The following SGCZ variants were observed in gnomAD, a reference collection of about 807,000 sequenced individuals.
SGCZ encodes the protein zeta-sarcoglycan.
Under a neutral mutation model 41.3 loss-of-function variants are expected in SGCZ, and 40 were observed. That is an observed-to-expected ratio of 0.97 (90% CI 0.75 to 1.26). The LOEUF (loss-of-function observed/expected upper bound fraction) is 1.26. Among genes scored for constraint, SGCZ ranks in the 50% most tolerant of loss-of-function variants. The probability of loss-of-function intolerance (pLI) is 0.00; values close to 1 mark genes in which losing one functional copy is unlikely to be tolerated. For synonymous variants in SGCZ, 206 were observed against 137.5 expected, an observed-to-expected ratio of 1.50 and a Z score of -3.49; for missense variants, 552 against 369.8, an observed-to-expected ratio of 1.49 and a Z score of -4.04.
intron 1 of SGCZ, among the ~76,000 whole-genome samples, chr8:15,036,612 A>C (rs1803885699): frequency 6.6e-6 from 1 of 152,204 alleles, no homozygotes; most frequent in Non-Finnish European, 1.5e-5. Context: ...CTCATCAAAG[A>C]AAAGTAGAGG....
intron 1 of SGCZ, among the ~76,000 whole-genome samples, chr8:14,859,017 T>A (rs1049095311): frequency 6.6e-6 from 1 of 152,272 alleles, no homozygotes; most frequent in Non-Finnish European, 1.5e-5. Flanking sequence ...CATATCTGAA[T>A]AACTTTTCTG....
intron 3 of SGCZ, among the ~76,000 whole-genome samples, chr8:14,275,136 C>A (rs1292918547): frequency 1.3e-5 from 2 of 152,110 alleles, no homozygotes; most frequent in Non-Finnish European, 2.9e-5. Flanking sequence ...CTGGTCAGAG[C>A]CGAAAGCCAG....
chr8:14,921,331 C>G (rs1235956861), intron 1 of SGCZ, among the ~76,000 whole-genome samples: 1 of 152,112 alleles, frequency 6.6e-6, no homozygotes, highest in East Asian at 1.9e-4. Flanking sequence ...ACCCTGAAGT[C>G]AGACTAATTT....
chr8:15,098,861 C>G (rs1002316397), intron 1 of SGCZ, among the ~76,000 whole-genome samples: 4 of 152,172 alleles, frequency 2.6e-5, no homozygotes, highest in Non-Finnish European at 4.4e-5. Context: ...GAGTTCAAGA[C>G]CAGCCCGGCC....
chr8:15,219,758 T>G (rs763724651), intron 1 of SGCZ, among the ~76,000 whole-genome samples: 3 of 152,146 alleles, frequency 2.0e-5, no homozygotes, highest in South Asian at 2.1e-4. Context: ...AATCACCTAC[T>G]CACTTATGTC....
At position 14,086,604 on chromosome 8, in the gene SGCZ, T is replaced by G. The variant is rs1801528931; in HGVS notation, c.*3839A>C. Among the ~76,000 whole-genome samples the G allele has an allele frequency of 6.6e-6, 1 of 151,754 alleles. No homozygotes were observed. Among genetic ancestry groups the G allele is most frequent in the African/African-American group, 2.4e-5 (1 of 41,418 alleles). ...TATTTGGTTAATATTTCTATTAATTTCCTAAACAGTCATTTTGAATAAGAT... is the reference window on the plus strand; with the variant it reads ...TATTTGGTTAATATTTCTATTAATTGCCTAAACAGTCATTTTGAATAAGAT... On this transcript the variant is annotated 3_prime_UTR_variant, in exon 8 of 8. Transcript: ENST00000382080.
chr8:14,653,704 C>T (rs1317354481), intron 1 of SGCZ, among the ~76,000 whole-genome samples: 1 of 151,594 alleles, frequency 6.6e-6, no homozygotes, highest in Admixed American at 6.6e-5. Flanking sequence ...GATGTCCCAC[C>T]CATCTTCACA....
At chr8:14,955,697 T>C (rs1032145250) in intron 1 of SGCZ, among the ~76,000 whole-genome samples, 2 of 152,218 alleles carry the variant, frequency 1.3e-5, no homozygotes, top group Admixed American at 1.3e-4. Context: ...TTTACTACTT[T>C]TCTATTGGAT....
At chr8:14,736,150 C>A (rs571269681) in intron 1 of SGCZ, among the ~76,000 whole-genome samples, 56 of 152,170 alleles carry the variant, frequency 3.7e-4, no homozygotes, top group African/African-American at 1.3e-3. Flanking sequence ...CCTGCTTGAA[C>A]CTACTTCATT....
At chr8:14,409,993 A>T (rs1585471079) in intron 2 of SGCZ, among the ~76,000 whole-genome samples, 2 of 152,072 alleles carry the variant, frequency 1.3e-5, no homozygotes, top group South Asian at 4.1e-4. Flanking sequence ...CGGACCAGTA[A>T]CCCTCCATGG....
chr8:14,258,794 G>T (rs1019268724), intron 3 of SGCZ, among the ~76,000 whole-genome samples: 1 of 152,230 alleles, frequency 6.6e-6, no homozygotes, highest in African/African-American at 2.4e-5. Context: ...CAAGTGTGAG[G>T]ATTACACGCA....
chr8:15,207,447 T>G (rs192750812), intron 1 of SGCZ, among the ~76,000 whole-genome samples: 1 of 151,838 alleles, frequency 6.6e-6, no homozygotes, highest in African/African-American at 2.4e-5. Flanking sequence ...GACAAAAGAA[T>G]AATCAAAGAA....
chr8:14,984,885 G>T (rs75245321), intron 1 of SGCZ, among the ~76,000 whole-genome samples: 2 of 152,062 alleles, frequency 1.3e-5, no homozygotes, highest in African/African-American at 4.8e-5. Context: ...TTGACACAGA[G>T]ATTTTGATAT....
rs1801899844 is a variant in SGCZ, at chr8:14,988,448, T to C, written c.39+249137A>G. Among the ~76,000 whole-genome samples the C allele has an allele frequency of 1.3e-5, 2 of 152,114 alleles. 1 individual carries two copies. The highest frequency in any genetic ancestry group is 4.8e-5 in the African/African-American group (2 of 41,462). On this transcript the variant is annotated intron_variant, in intron 1 of 7. Transcript: ENST00000382080. ...TTCTATAGAAACTTGTATTTGCTAG[T>C]GCTGTCTTGACAAGCTTCTTTTATC...
Position 14,479,727 on chromosome 8 carries a change from ACTTCTTTTTTTTTTTT to A in SGCZ, c.234+74989_234+75004del, listed in dbSNP as rs1340567676. ...CCAGGTCGCATACCTCCAGAATTCT[ACTTCTTTTTTTTTTTT>A]TTTTTTTTTTTTTTTTTTATTTGAG... On this transcript the variant is annotated intron_variant, in intron 2 of 7. Coordinates refer to ENST00000382080, the MANE Select transcript of SGCZ (RefSeq NM_139167.4). Among the ~76,000 whole-genome samples the A allele has an allele frequency of 6.4e-5, 7 of 109,374 alleles. 1 individual carries two copies. The highest frequency in any genetic ancestry group is 9.0e-5 in the Non-Finnish European group (5 of 55,708). 71.8% of individuals were successfully genotyped at this position (109,374 alleles called of 152,430 possible).
At chr8:14,580,082 A>G (rs945184437) in intron 1 of SGCZ, among the ~76,000 whole-genome samples, 4 of 152,178 alleles carry the variant, frequency 2.6e-5, no homozygotes, top group Non-Finnish European at 4.4e-5. Flanking sequence ...CAACACAAAG[A>G]CAGTATGAAG....
intron 1 of SGCZ, among the ~76,000 whole-genome samples, chr8:14,604,723 A>T (rs547198400): frequency 2.0e-4 from 30 of 152,334 alleles, no homozygotes; most frequent in African/African-American, 7.2e-4. Flanking sequence ...ATTTTAAAAA[A>T]TAGCCAGAGA....
intron 2 of SGCZ, among the ~76,000 whole-genome samples, chr8:14,544,659 G>T (rs1445995885): frequency 6.6e-6 from 1 of 152,050 alleles, no homozygotes; most frequent in Non-Finnish European, 1.5e-5. Context: ...GAAACCTCAG[G>T]CTTACTAGGG....
At chr8:14,304,579 T>A (rs1801292598) in intron 3 of SGCZ, among the ~76,000 whole-genome samples, 1 of 152,154 alleles carries the variant, frequency 6.6e-6, no homozygotes. Context: ...GGCAACAAAG[T>A]GTCTCTAAGA....
Sources: allele counts gnomAD v4.1 joint callset (sites outside exome capture counted in the v4.1 genomes callset), GRCh38; gene constraint gnomAD v4.1.1; transcripts MANE v1.5; gene names NCBI Gene and HGNC (gene_info 2026-07-23, HGNC 2026-07-21).